The following SLC44A1 variants were observed in gnomAD, a reference collection of about 807,000 sequenced individuals.
SLC44A1 encodes choline transporter-like protein 1.
SLC44A1 carries 26 observed loss-of-function variants against 79.3 expected under a neutral mutation model. That is an observed-to-expected ratio of 0.33 (90% confidence interval 0.24 to 0.46). The LOEUF (loss-of-function observed/expected upper bound fraction) is 0.46, where lower values mean the gene tolerates loss of function less well. Ranked by LOEUF, SLC44A1 falls within the 20% of genes least tolerant of loss-of-function variation. The pLI, the probability that SLC44A1 is intolerant of heterozygous loss-of-function variation, is 1.00. For synonymous variants in SLC44A1, 263 were observed against 286.2 expected (o/e 0.92, Z 0.82); for missense variants, 688 against 798.1 (o/e 0.86, Z 1.66).
chr9:105,318,713 A>G (rs999858273), intron 3 of SLC44A1, among the ~76,000 whole-genome samples: 2 of 148,570 alleles, frequency 1.3e-5, no homozygotes, highest in African/African-American at 5.3e-5. Context: ...GAGCAATTTG[A>G]AAGAGGAGAT....
At chr9:105,297,723 G>A (rs1308186381) in intron 1 of SLC44A1, among the ~76,000 whole-genome samples, 1 of 152,100 alleles carries the variant, frequency 6.6e-6, no homozygotes, top group African/African-American at 2.4e-5. Flanking sequence ...TTTTCATCAG[G>A]TTATCAAAGG....
chr9:105,295,610 T>C (rs1830703042), intron 1 of SLC44A1, among the ~76,000 whole-genome samples: 1 of 152,266 alleles, frequency 6.6e-6, no homozygotes, highest in Non-Finnish European at 1.5e-5. Context: ...TTGCTTTCCC[T>C]GTACCAACAG....
intron 1 of SLC44A1, among the ~76,000 whole-genome samples, chr9:105,266,776 T>G (rs1237622323): frequency 6.6e-6 from 1 of 152,246 alleles, no homozygotes; most frequent in East Asian, 1.9e-4. Context: ...CGAAGTTATT[T>G]TGACTATTAT....
chr9:105,296,305 C>A (rs1193755448), intron 1 of SLC44A1, among the ~76,000 whole-genome samples: 2 of 152,184 alleles, frequency 1.3e-5, no homozygotes, highest in Non-Finnish European at 2.9e-5. Context: ...CTCCTACCCT[C>A]TCTCCACTTC....
chr9:105,396,652 G>A lies in SLC44A1; in HGVS notation c.*7596G>A, dbSNP rs138578616. 714 of 985,082 alleles carry A rather than the reference G, an allele frequency of 7.2e-4. 6 individuals carry two copies. In the African/African-American group the frequency reaches 0.011, roughly 16 times the overall value. 61.0% of individuals were successfully genotyped at this position (985,082 alleles called of 1,614,324 possible). A position where few individuals can be genotyped will look rare whatever the true frequency, so the allele number is the denominator to read the frequency against. ...ACACATCGGTGTGTCTTGATTTCTC[G>A]CAGCTGTGTAATGTGGCATGAGAAG... On this transcript the variant is annotated 3_prime_UTR_variant, in exon 16 of 16. Transcript: ENST00000374720.
chr9:105,309,587 T>C, intron 2 of SLC44A1, 137 bp from the exon 3 acceptor site: 1 of 701,508 alleles, frequency 1.4e-6, no homozygotes, highest in Non-Finnish European at 2.4e-6. Flanking sequence ...AGGAAAACAG[T>C]GGAATAGTGT....
chr9:105,419,824 G>T (rs1017313882), intron 15 of SLC44A1, among the ~76,000 whole-genome samples: 6 of 145,122 alleles, frequency 4.1e-5, no homozygotes, highest in Non-Finnish European at 8.9e-5. Context: ...TGAGACAGGA[G>T]AATCACTTGA....
chr9:105,258,780 C>T (rs1249066306), intron 1 of SLC44A1, among the ~76,000 whole-genome samples: 1 of 152,086 alleles, frequency 6.6e-6, no homozygotes. Context: ...CCCTACCTCC[C>T]GGATTCAAGG....
chr9:105,411,154 A>G (rs2131507081), intron 15 of SLC44A1, among the ~76,000 whole-genome samples: 1 of 152,334 alleles, frequency 6.6e-6, no homozygotes, highest in African/African-American at 2.4e-5. Flanking sequence ...ACTGAATTGT[A>G]CACTTTAAAA....
chr9:105,382,254 A>G (rs1017457285), intron 13 of SLC44A1, among the ~76,000 whole-genome samples: 1 of 152,222 alleles, frequency 6.6e-6, no homozygotes, highest in Non-Finnish European at 1.5e-5. Flanking sequence ...AATATTTGCC[A>G]TAAACCATTC....
chr9:105,284,260 C>G (rs970139046), intron 1 of SLC44A1, among the ~76,000 whole-genome samples: 1 of 137,366 alleles, frequency 7.3e-6, no homozygotes, highest in African/African-American at 2.8e-5. Flanking sequence ...GAGATAGGGT[C>G]TCACTTTGTT....
At chr9:105,295,518 C>A (rs1663899154) in intron 1 of SLC44A1, among the ~76,000 whole-genome samples, 2 of 152,188 alleles carry the variant, frequency 1.3e-5, no homozygotes, top group African/African-American at 4.8e-5. Context: ...TTGGTTAAAT[C>A]TGTTAAAGAA....
At chr9:105,282,458 A>G (rs901891843) in intron 1 of SLC44A1, among the ~76,000 whole-genome samples, 10 of 152,202 alleles carry the variant, frequency 6.6e-5, no homozygotes, top group Non-Finnish European at 1.0e-4. Flanking sequence ...AAGGACTGCA[A>G]TAGTCTTCTG....
chr9:105,437,744 A>C (rs1408089293), intron 15 of SLC44A1, among the ~76,000 whole-genome samples: 1 of 152,226 alleles, frequency 6.6e-6, no homozygotes, highest in Non-Finnish European at 1.5e-5. Context: ...TAACGGAATT[A>C]CAGGAGTGAA....
intron 15 of SLC44A1, among the ~76,000 whole-genome samples, chr9:105,412,852 C>T (rs1291157608): frequency 6.6e-6 from 1 of 152,134 alleles, no homozygotes; most frequent in Non-Finnish European, 1.5e-5. Flanking sequence ...ATCCACCCGC[C>T]TCGGCCTCCC....
chr9:105,341,335 CAAA>C (rs529318721), intron 4 of SLC44A1, among the ~76,000 whole-genome samples: 4 of 65,226 alleles, frequency 6.1e-5, no homozygotes, highest in Non-Finnish European at 7.0e-5. Flanking sequence ...AACTTCGTCT[CAAA>C]AAAAAAAAAA....
chr9:105,393,898 C>G lies in SLC44A1; in HGVS notation c.*4842C>G. The G allele has an allele frequency of 1.0e-6, 1 of 984,916 alleles. No individual in the cohort carries two copies. The highest frequency in any genetic ancestry group is 1.2e-6 in the Non-Finnish European group (1 of 829,474). The allele number at this position is 984,916 out of a possible 1,614,324, so 61.0% of individuals were successfully genotyped here. A position where few individuals can be genotyped will look rare whatever the true frequency, so the allele number is the denominator to read the frequency against. Reference sequence around the variant, plus strand: ...CTTTTATTAATGGTCTAGTGAAGATCTAGTTGAACATGGAAACATTGTAAT... The same window carrying G: ...CTTTTATTAATGGTCTAGTGAAGATGTAGTTGAACATGGAAACATTGTAAT... On this transcript the variant is annotated 3_prime_UTR_variant, in exon 16 of 16. Coordinates refer to ENST00000374720, the MANE Select transcript of SLC44A1 (RefSeq NM_080546.5).
At chr9:105,284,167 A>G (rs1039317154) in intron 1 of SLC44A1, among the ~76,000 whole-genome samples, 1 of 152,140 alleles carries the variant, frequency 6.6e-6, no homozygotes, top group Admixed American at 6.5e-5. Context: ...AATAGGTGCT[A>G]AGTAAATAGT....
intron 15 of SLC44A1, among the ~76,000 whole-genome samples, chr9:105,388,109 T>A (rs776340430): frequency 6.6e-6 from 1 of 152,324 alleles, no homozygotes; most frequent in Middle Eastern, 3.4e-3. Flanking sequence ...CATTGTAGCA[T>A]TGGGTCCCTA....
Sources: allele counts gnomAD v4.1 joint callset (sites outside exome capture counted in the v4.1 genomes callset), GRCh38; gene constraint gnomAD v4.1.1; transcripts MANE v1.5; gene names NCBI Gene and HGNC (gene_info 2026-07-23, HGNC 2026-07-21).